KRTAP10-1: variants seen among roughly 807,000 people sequenced by gnomAD.
KRTAP10-1 encodes keratin associated protein 10-1.
For missense variants in KRTAP10-1, 364 were observed against 369.2 expected, an observed-to-expected ratio of 0.99 and a Z score of 0.12; for synonymous variants, 155 against 153.3, an observed-to-expected ratio of 1.01 and a Z score of -0.08.
At position 44,539,425 on chromosome 21, in the gene KRTAP10-1, G is replaced by A. The variant is rs139848345; in HGVS notation, c.726C>T (p.Pro242=). 2,366 of 1,602,894 alleles carry A rather than the reference G, an allele frequency of 1.5e-3. 22 individuals carry two copies. The African/African-American group carries it at 0.02, about 14-fold the overall frequency. Reference sequence around the variant, plus strand: ...AGGAGGAGACAGGCATACAGCAGGCGGGCCGGCATACAGGGCGGCAGAGGA... The same window carrying A: ...AGGAGGAGACAGGCATACAGCAGGCAGGCCGGCATACAGGGCGGCAGAGGA... The part of the protein sequence containing the change: ...VSLLCRPVCR[P]ACCMPVSSCC... Residue 242 remains proline, a synonymous_variant, in exon 1 of 1, where the codon CCC becomes CCT. Transcript: ENST00000400375.
rs763282080 is a variant in KRTAP10-1 at position 44,539,191 on chromosome 21, C to T, written c.*111G>A. 37 of 1,493,742 alleles carry T rather than the reference C, an allele frequency of 2.5e-5. No individual in the cohort carries two copies. The highest frequency in any genetic ancestry group is 2.4e-4 in the Middle Eastern group (1 of 4,144). 92.5% of individuals were successfully genotyped at this position (1,493,742 alleles called of 1,614,324 possible). ...GGGTCACCTCAGCACAGGGGAGACACGGGGACCCGTCCTAGGTGGGGGAAG... is the reference window on the plus strand; with the variant it reads ...GGGTCACCTCAGCACAGGGGAGACATGGGGACCCGTCCTAGGTGGGGGAAG... On this transcript the variant is annotated 3_prime_UTR_variant, in exon 1 of 1. Transcript: ENST00000400375.
chr21:44,539,314 G>A lies in KRTAP10-1; in HGVS notation c.837C>T (p.Arg279=), dbSNP rs200623181. 9.6e-4 allele frequency: 1,554 copies of A among 1,610,800 alleles called. 12 individuals carry two copies. In the Middle Eastern group the frequency reaches 0.023, roughly 24 times the overall value. Residue 279 remains arginine (R), a synonymous_variant, in exon 1 of 1, where the codon CGC becomes CGT. Transcript: ENST00000400375. The stretch of plus-strand genomic sequence containing the variant: ...CTGAGCAGAGGCCTCAGCAGGCCGG[G>A]CGGGAGCACGCGGGGCGGCAGAGGA... ...VSLLCRPACS[R]PAC
chr21:44,539,273 C>T lies in KRTAP10-1; in HGVS notation c.*29G>A. The T allele has an allele frequency of 5.6e-6, 9 of 1,599,414 alleles. No homozygotes were observed. Among genetic ancestry groups the T allele is most frequent in the Non-Finnish European group, 6.8e-6 (8 of 1,173,806 alleles). ...CTGGCCCAGGGCGGGTGCCCATCAG[C>T]AGCTGGACTCCTGGCCTGAGCAGAG... On this transcript the variant is annotated 3_prime_UTR_variant, in exon 1 of 1. Coordinates refer to ENST00000400375, the MANE Select transcript of KRTAP10-1 (RefSeq NM_198691.3).
In KRTAP10-1 at chr21:44,539,427, G is replaced by A. The variant is rs782163395; in HGVS notation, c.724C>T (p.Pro242Ser). ...GAGGAGACAGGCATACAGCAGGCGG[G>A]CCGGCATACAGGGCGGCAGAGGAGG... ...VSLLCRPVCRPACCMPVSSCC... is the reference protein window; with the variant it reads ...VSLLCRPVCRSACCMPVSSCC... The change falls in exon 1 of 1, where the codon CCC becomes TCC. Residue 242 changes from proline (P) to serine (S), a missense_variant. Pro to Ser is a moderately conservative substitution (Grantham distance 74). Coordinates refer to ENST00000400375, the MANE Select transcript of KRTAP10-1 (RefSeq NM_198691.3). 28 of 1,602,828 alleles carry A rather than the reference G, an allele frequency of 1.7e-5. No homozygotes were observed. The highest frequency in any genetic ancestry group is 9.4e-5 in the African/African-American group (7 of 74,592).
In KRTAP10-1 at chr21:44,539,962, C is replaced by T. The variant is rs782127349; in HGVS notation, c.189G>A (p.Glu63=). Residue 63 remains glutamate, a synonymous_variant, in exon 1 of 1, where the codon GAG becomes GAA. Transcript: ENST00000400375. ...VSSPCCQAAC[E]PSPCQSGCTS... ...TGCAGCCTGATTGGCAGGGGCTGGGCTCACAGGCTGCCTGGCAGCAGGGGC... is the reference window on the plus strand; with the variant it reads ...TGCAGCCTGATTGGCAGGGGCTGGGTTCACAGGCTGCCTGGCAGCAGGGGC... The T allele has an allele frequency of 5.6e-6, 9 of 1,613,346 alleles. No homozygotes were observed. The highest frequency in any genetic ancestry group is 2.2e-5 in the East Asian group (1 of 44,880).
Position 44,539,104 on chromosome 21 carries a change from A to C in KRTAP10-1, c.*198T>G, listed in dbSNP as rs1373476455. 1.8e-5 allele frequency: 17 copies of C among 942,726 alleles called. No homozygotes were observed. Among genetic ancestry groups the C allele is most frequent in the Middle Eastern group, 3.3e-4 (1 of 2,998 alleles). 58.4% of individuals were successfully genotyped at this position (942,726 alleles called of 1,614,324 possible). A position where few individuals can be genotyped will look rare whatever the true frequency, so the allele number is the denominator to read the frequency against. On this transcript the variant is annotated 3_prime_UTR_variant, in exon 1 of 1. Transcript: ENST00000400375. ...CAGGGGACCTAGCAGGCAGGTGGGC[A>C]CCTGCTGGAAGGCAAGAGCTGGGGA...
chr21:44,540,046 GCT>G lies in KRTAP10-1; in HGVS notation c.103_104del (p.Ser35LeufsTer28). On this transcript the variant is annotated frameshift_variant, in exon 1 of 1. Coordinates refer to ENST00000400375, the MANE Select transcript of KRTAP10-1 (RefSeq NM_198691.3). LOFTEE classifies it low-confidence loss of function (END_TRUNC). The stretch of plus-strand genomic sequence containing the variant: ...TCAGGCAGGGGGCCGGGGCGCAGCA[GCT>G]GAGGGCGCAGCAGTGGGGCTCACAG... ...SCCEPHCCAL[S>X]CCAPAPCLTL... The G allele has an allele frequency of 1.9e-6, 3 of 1,611,460 alleles. No individual in the cohort carries two copies. In the African/African-American group the frequency reaches 4.0e-5, roughly 22 times the overall value.
At position 44,539,239 on chromosome 21, in the gene KRTAP10-1, T is replaced by C; in HGVS notation, c.*63A>G. ...AAGCCACCTAACCCAGGTCAGGAAC[T>C]GAGCCCAGCTGGCCCAGGGCGGGTG... On this transcript the variant is annotated 3_prime_UTR_variant, in exon 1 of 1. Coordinates refer to ENST00000400375, the MANE Select transcript of KRTAP10-1 (RefSeq NM_198691.3). 1.3e-6 allele frequency: 2 copies of C among 1,573,956 alleles called. No homozygotes were observed. The highest frequency in any genetic ancestry group is 1.2e-5 in the South Asian group (1 of 84,060).
Position 44,539,583 on chromosome 21 carries a change from T to A in KRTAP10-1, c.568A>T (p.Lys190Ter). The A allele has an allele frequency of 6.2e-7, 1 of 1,611,286 alleles. No homozygotes were observed. Among genetic ancestry groups the A allele is most frequent in the Non-Finnish European group, 8.5e-7 (1 of 1,179,308 alleles). ...CAGATGGGCTTGCAGCAGACAGGCT[T>A]GCAACGGACGGGCACGCAGCAGGCC... Reference protein sequence around the residue: ...QQACCVPVRCKPVCCKPICCV... With the variant: ...QQACCVPVRC The change falls in exon 1 of 1, where the codon AAG becomes TAG. Residue 190 changes from lysine (K) to a stop codon, truncating the protein, a stop_gained. Transcript: ENST00000400375. LOFTEE classifies it low-confidence loss of function (END_TRUNC).
In KRTAP10-1 at chr21:44,540,000, T is replaced by C; in HGVS notation, c.151A>G (p.Ser51Gly). The change falls in exon 1 of 1, where the codon AGC (serine) becomes GGC (glycine). Residue 51 changes from serine to glycine, a missense_variant. Transcript: ENST00000400375. Reference sequence around the variant, plus strand: ...TGGCAGCAGGGGCTGGACACACGGCTCACTGGGGTGCAGACCAGGGTCAGG... The same window carrying C: ...TGGCAGCAGGGGCTGGACACACGGCCCACTGGGGTGCAGACCAGGGTCAGG... ...PCLTLVCTPV[S>G]RVSSPCCQAA... 6.2e-7 allele frequency: 1 copy of C among 1,612,964 alleles called. No homozygotes were observed. The highest frequency in any genetic ancestry group is 1.1e-5 in the South Asian group (1 of 91,016).
chr21:44,539,523 A>G lies in KRTAP10-1; in HGVS notation c.628T>C (p.Cys210Arg), dbSNP rs782596173. The change falls in exon 1 of 1, where the codon TGC (cysteine) becomes CGC (arginine). Residue 210 changes from cysteine (C) to arginine (R), a missense_variant. Cys to Arg is a radical substitution (Grantham distance 180). Coordinates refer to ENST00000400375, the MANE Select transcript of KRTAP10-1 (RefSeq NM_198691.3). Reference protein sequence around the residue: ...VPVCSGASTSCCQQSSCQPAC... With the variant: ...VPVCSGASTSRCQQSSCQPAC... ...GGCTGGCAGCTAGACTGCTGGCAGC[A>G]TGAAGTGGAAGCCCCAGAGCAGACG... 15 of 1,613,584 alleles carry G rather than the reference A, an allele frequency of 9.3e-6. No individual in the cohort carries two copies. In the African/African-American group the frequency reaches 1.2e-4, roughly 13 times the overall value.
At position 44,539,986 on chromosome 21, in the gene KRTAP10-1, G is replaced by A. The variant is rs1555917010; in HGVS notation, c.165C>T (p.Ser55=). The A allele has an allele frequency of 6.2e-7, 1 of 1,613,340 alleles. No homozygotes were observed. ...GCTCACAGGCTGCCTGGCAGCAGGG[G>A]CTGGACACACGGCTCACTGGGGTGC... ...LVCTPVSRVS[S]PCCQAACEPS... The change falls in exon 1 of 1, where the codon AGC becomes AGT. Residue 55 remains serine, a synonymous_variant. Coordinates refer to ENST00000400375, the MANE Select transcript of KRTAP10-1 (RefSeq NM_198691.3).
At position 44,539,382 on chromosome 21, in the gene KRTAP10-1, A is replaced by G. The variant is rs782361955; in HGVS notation, c.769T>C (p.Ser257Pro). 1 of 1,612,566 alleles carries G rather than the reference A, an allele frequency of 6.2e-7. No homozygotes were observed. The highest frequency in any genetic ancestry group is 8.5e-7 in the Non-Finnish European group (1 of 1,179,346). Residue 257 changes from serine to proline, a missense_variant, in exon 1 of 1, where the codon TCC becomes CCC. Coordinates refer to ENST00000400375, the MANE Select transcript of KRTAP10-1 (RefSeq NM_198691.3). ...PVSSCCAPAS[S>P]CQASCCRPAS... ...GGGCGGCAGCAGCTGGCCTGGCAGG[A>G]GGAGGCAGGGGCACAGCAGGAGGAG...
chr21:44,539,087 C>CT lies in KRTAP10-1; in HGVS notation c.*214dup, dbSNP rs782335465. On this transcript the variant is annotated 3_prime_UTR_variant, in exon 1 of 1. Transcript: ENST00000400375. ...GAAGCTGGGAGGGAGGACAGGGGAC[C>CT]TAGCAGGCAGGTGGGCACCTGCTGG... 2.2e-4 allele frequency: 169 copies of CT among 785,518 alleles called. No individual in the cohort carries two copies. Among genetic ancestry groups the CT allele is most frequent in the Non-Finnish European group, 2.5e-4 (125 of 507,914 alleles). The allele number at this position is 785,518 out of a possible 1,614,324, so 48.7% of individuals were successfully genotyped here.
rs1356835204 is a variant in KRTAP10-1, at chr21:44,539,555, C to G, written c.596G>C (p.Cys199Ser). The part of the protein sequence containing the change: ...CKPVCCKPIC[C>S]VPVCSGASTS... ...GGAAGCCCCAGAGCAGACGGGCACACAGCAGATGGGCTTGCAGCAGACAGG... is the reference window on the plus strand; with the variant it reads ...GGAAGCCCCAGAGCAGACGGGCACAGAGCAGATGGGCTTGCAGCAGACAGG... The change falls in exon 1 of 1, where the codon TGT becomes TCT. Residue 199 changes from cysteine (C) to serine (S), a missense_variant. Physicochemically the swap from Cys to Ser is moderately radical, Grantham distance 112. Transcript: ENST00000400375. The G allele has an allele frequency of 6.2e-7, 1 of 1,613,348 alleles. No homozygotes were observed. Among genetic ancestry groups the G allele is most frequent in the African/African-American group, 1.3e-5 (1 of 74,670 alleles).
chr21:44,540,103 G>A lies in KRTAP10-1; in HGVS notation c.48C>T (p.Ser16=). ...MSVCSSACSD[S]WQVDACPESC... ...TCTCTGGGCAGGCATCCACCTGCCAGGAGTCGGAGCAAGCGCTGGAGCAGA... is the reference window on the plus strand; with the variant it reads ...TCTCTGGGCAGGCATCCACCTGCCAAGAGTCGGAGCAAGCGCTGGAGCAGA... Residue 16 remains serine, a synonymous_variant, in exon 1 of 1, where the codon TCC becomes TCT. Transcript: ENST00000400375. 1 of 1,613,866 alleles carries A rather than the reference G, an allele frequency of 6.2e-7. No homozygotes were observed. The highest frequency in any genetic ancestry group is 8.5e-7 in the Non-Finnish European group (1 of 1,179,962).
Position 44,539,578 on chromosome 21 carries a change from A to G in KRTAP10-1, c.573T>C (p.Pro191=), listed in dbSNP as rs2053169187. 1 of 1,613,408 alleles carries G rather than the reference A, an allele frequency of 6.2e-7. No individual in the cohort carries two copies. Among genetic ancestry groups the G allele is most frequent in the Non-Finnish European group, 8.5e-7 (1 of 1,179,828 alleles). The change falls in exon 1 of 1, where the codon CCT becomes CCC. Residue 191 remains proline, a synonymous_variant. Transcript: ENST00000400375. ...CACAGCAGATGGGCTTGCAGCAGAC[A>G]GGCTTGCAACGGACGGGCACGCAGC... ...QACCVPVRCK[P]VCCKPICCVP...
chr21:44,540,099 G>T lies in KRTAP10-1; in HGVS notation c.52C>A (p.Gln18Lys). ...CAGCTCTCTGGGCAGGCATCCACCT[G>T]CCAGGAGTCGGAGCAAGCGCTGGAG... Reference protein sequence around the residue: ...VCSSACSDSWQVDACPESCCE... With the variant: ...VCSSACSDSWKVDACPESCCE... Residue 18 changes from glutamine (Q) to lysine (K), a missense_variant, in exon 1 of 1, where the codon CAG becomes AAG. Coordinates refer to ENST00000400375, the MANE Select transcript of KRTAP10-1 (RefSeq NM_198691.3). 6.2e-7 allele frequency: 1 copy of T among 1,613,812 alleles called. No individual in the cohort carries two copies. The highest frequency in any genetic ancestry group is 8.5e-7 in the Non-Finnish European group (1 of 1,179,962).
At position 44,539,442 on chromosome 21, in the gene KRTAP10-1, G is replaced by A. The variant is rs201838356; in HGVS notation, c.709C>T (p.Arg237Cys). ...CAGCAGGCGGGCCGGCATACAGGGCGGCAGAGGAGGGACACGGAGGAGGAG... is the reference window on the plus strand; with the variant it reads ...CAGCAGGCGGGCCGGCATACAGGGCAGCAGAGGAGGGACACGGAGGAGGAG... ...RPSSSVSLLC[R>C]PVCRPACCMP... Residue 237 changes from arginine to cysteine, a missense_variant, in exon 1 of 1, where the codon CGC (arginine) becomes TGC (cysteine). Arg to Cys is a radical substitution (Grantham distance 180). Transcript: ENST00000400375. The A allele has an allele frequency of 3.5e-5, 57 of 1,612,960 alleles. No homozygotes were observed. The highest frequency in any genetic ancestry group is 1.7e-4 in the Middle Eastern group (1 of 5,932).
Sources: gnomAD v4.1 joint callset for allele counts on GRCh38, gnomAD v4.1.1 for gene constraint, MANE v1.5 for transcripts, NCBI Gene and HGNC (gene_info 2026-07-23, HGNC 2026-07-21) for gene names.